The following GUCY1A2 variants were observed in gnomAD, a reference collection of about 807,000 sequenced individuals.
GUCY1A2 encodes guanylate cyclase soluble subunit alpha-2.
In GUCY1A2, 27 loss-of-function variants were observed where a neutral mutation model predicts 63.5. The observed-to-expected ratio is 0.43, with a 90% CI of 0.31 to 0.59. The LOEUF is 0.59. GUCY1A2 is among the 20% of genes least tolerant of loss of function. The pLI, the probability that GUCY1A2 is intolerant of heterozygous loss-of-function variation, is 0.11. For missense variants in GUCY1A2, 768 were observed against 913.3 expected, an observed-to-expected ratio of 0.84 and a Z score of 2.05; for synonymous variants, 364 against 343.5, an observed-to-expected ratio of 1.06 and a Z score of -0.66.
intron 4 of GUCY1A2, among the ~76,000 whole-genome samples, chr11:106,898,237 T>C (rs961389166): frequency 1.2e-4 from 18 of 152,206 alleles, no homozygotes; most frequent in African/African-American, 4.1e-4. Context: ...CTTTCATTCA[T>C]TGCTATTGGA....
At chr11:106,764,456 C>A (rs1864123307) in intron 6 of GUCY1A2, among the ~76,000 whole-genome samples, 1 of 151,944 alleles carries the variant, frequency 6.6e-6, no homozygotes, top group African/African-American at 2.4e-5. Flanking sequence ...TTACTCTTGA[C>A]AAAAAGTCCC....
intron 4 of GUCY1A2, 108 bp downstream of exon 4, chr11:106,939,352 T>G (rs1368551738): frequency 1.5e-6 from 1 of 684,584 alleles, no homozygotes; most frequent in Non-Finnish European, 2.5e-6. Context: ...TAAATGGCAC[T>G]TTAAGCTCTC....
At chr11:106,895,073 C>T (rs1379918444) in intron 4 of GUCY1A2, among the ~76,000 whole-genome samples, 2 of 152,106 alleles carry the variant, frequency 1.3e-5, no homozygotes, top group African/African-American at 2.4e-5. Flanking sequence ...AAGGAGACAT[C>T]ACTATGCATT....
At chr11:106,944,196 C>A (rs1338309435) in intron 3 of GUCY1A2, among the ~76,000 whole-genome samples, 4 of 44,298 alleles carry the variant, frequency 9.0e-5, no homozygotes, top group Middle Eastern at 0.013. Flanking sequence ...GCCTGGGCAA[C>A]AGAGTGAGAC....
chr11:106,805,163 C>T (rs1858664361), intron 5 of GUCY1A2, among the ~76,000 whole-genome samples: 1 of 152,124 alleles, frequency 6.6e-6, no homozygotes, highest in South Asian at 2.1e-4. Flanking sequence ...ATGCCATGGA[C>T]ATTTGCAAAC....
At chr11:106,779,241 T>C (rs1359304874) in intron 5 of GUCY1A2, among the ~76,000 whole-genome samples, 1 of 152,172 alleles carries the variant, frequency 6.6e-6, no homozygotes, top group African/African-American at 2.4e-5. Flanking sequence ...AATAAAATTA[T>C]ACTATAAGAA....
Position 107,017,888 on chromosome 11 carries a change from G to A in GUCY1A2, c.168C>T (p.Ala56=). ...LEPSPAAAAA[A]AAPAPTPAAS... is the part of the protein sequence containing the mutation. ...CAGCCGGGGTCGGGGCCGGGGCGGC[G>A]GCAGCGGCAGCTGCGGCCGGGCTGG... Residue 56 remains alanine (A), a synonymous_variant, in exon 1 of 8, where the codon GCC becomes GCT. Coordinates refer to ENST00000526355, the MANE Select transcript of GUCY1A2 (RefSeq NM_000855.3). 8.0e-7 allele frequency: 1 copy of A among 1,244,356 alleles called. No homozygotes were observed. The highest frequency in any genetic ancestry group is 1.0e-6 in the Non-Finnish European group (1 of 991,158). The allele number at this position is 1,244,356 out of a possible 1,614,324, so 77.1% of individuals were successfully genotyped here.
intron 4 of GUCY1A2, among the ~76,000 whole-genome samples, chr11:106,853,492 A>G (rs1859383879): frequency 6.6e-6 from 1 of 151,672 alleles, no homozygotes; most frequent in African/African-American, 2.4e-5. Context: ...CAGTTCTACA[A>G]TTTCTGTTTG....
intron 4 of GUCY1A2, among the ~76,000 whole-genome samples, chr11:106,930,858 G>A (rs1048703585): frequency 3.3e-5 from 5 of 152,198 alleles, no homozygotes; most frequent in African/African-American, 4.8e-5. Context: ...GGCGGATCAC[G>A]AGGTCAAGAG....
chr11:106,845,647 T>TA (rs895629148), intron 4 of GUCY1A2, among the ~76,000 whole-genome samples: 81 of 148,030 alleles, frequency 5.5e-4, no homozygotes, highest in African/African-American at 1.5e-3. Context: ...CAGATAGTTT[T>TA]AAAAAAAAAA....
intron 7 of GUCY1A2, among the ~76,000 whole-genome samples, chr11:106,704,874 T>C (rs575869744): frequency 3.3e-5 from 5 of 150,336 alleles, no homozygotes; most frequent in Admixed American, 3.3e-4. Context: ...AGTAAAGTAA[T>C]ATTAGTATAT....
intron 6 of GUCY1A2, among the ~76,000 whole-genome samples, chr11:106,709,817 T>TTATATATTATATACACGTATAGAATATA (rs1249023561): frequency 1.3e-5 from 1 of 79,310 alleles, no homozygotes; most frequent in African/African-American, 3.6e-5. Flanking sequence ...GAATATATAG[T>TTATATATTATATACACGTATAGAATATA]TATATATTAT....
At chr11:106,739,472 A>G (rs545343584) in intron 6 of GUCY1A2, among the ~76,000 whole-genome samples, 1 of 152,312 alleles carries the variant, frequency 6.6e-6, no homozygotes, top group African/African-American at 2.4e-5. Flanking sequence ...GCCAGACACT[A>G]TGTTTTACCT....
Position 106,978,655 on chromosome 11 carries a change from C to T in GUCY1A2, c.451G>A (p.Val151Ile), listed in dbSNP as rs1861294001. ...DHSNKEEIEDVSGILQCTANI... is the reference protein window; with the variant it reads ...DHSNKEEIEDISGILQCTANI... ...GCAGTACACTGAAGAATTCCTGAGA[C>T]ATCTTCAATTTCTTCTTTGTTGGAG... The change falls in exon 3 of 8, where the codon GTC (valine) becomes ATC (isoleucine). Residue 151 changes from valine (V) to isoleucine (I), a missense_variant. By Grantham distance (29) the Val-to-Ile change is conservative (BLOSUM62 3). Coordinates refer to ENST00000526355, the MANE Select transcript of GUCY1A2 (RefSeq NM_000855.3). 6.5e-7 allele frequency: 1 copy of T among 1,547,202 alleles called. No homozygotes were observed. Among genetic ancestry groups the T allele is most frequent in the Non-Finnish European group, 8.9e-7 (1 of 1,119,560 alleles).
intron 4 of GUCY1A2, among the ~76,000 whole-genome samples, chr11:106,871,806 A>G (rs1859681774): frequency 6.6e-6 from 1 of 152,182 alleles, no homozygotes; most frequent in Non-Finnish European, 1.5e-5. Context: ...AATGTCAAAG[A>G]TGTAATGTAC....
chr11:106,693,496 T>G (rs887183077), intron 7 of GUCY1A2, among the ~76,000 whole-genome samples: 1 of 152,160 alleles, frequency 6.6e-6, no homozygotes, highest in African/African-American at 2.4e-5. Flanking sequence ...AATTAGTGGA[T>G]CCTTTTGAAC....
intron 3 of GUCY1A2, among the ~76,000 whole-genome samples, chr11:106,940,527 A>T (rs1434209933): frequency 6.6e-6 from 1 of 152,150 alleles, no homozygotes; most frequent in African/African-American, 2.4e-5. Flanking sequence ...CTGCCCCATT[A>T]TCATATCTCC....
At chr11:106,760,833 A>G (rs1864053837) in intron 6 of GUCY1A2, among the ~76,000 whole-genome samples, 1 of 152,190 alleles carries the variant, frequency 6.6e-6, no homozygotes. Context: ...AACTTTGGCT[A>G]AATTCTATAT....
At chr11:106,862,318 T>G (rs1201654158) in intron 4 of GUCY1A2, among the ~76,000 whole-genome samples, 1 of 56,910 alleles carries the variant, frequency 1.8e-5, no homozygotes, top group African/African-American at 6.9e-5. Flanking sequence ...TTATGAGAAT[T>G]GAATGAGATA....
Sources: gnomAD v4.1 joint callset for allele counts (sites outside exome capture counted in the v4.1 genomes callset) on GRCh38, gnomAD v4.1.1 for gene constraint, MANE v1.5 for transcripts, NCBI Gene and HGNC (gene_info 2026-07-23, HGNC 2026-07-21) for gene names.